The following CPED1 variants were observed in gnomAD, a reference collection of about 807,000 sequenced individuals.
The protein encoded by CPED1 is cadherin-like and PC-esterase domain-containing protein 1.
A neutral mutation model predicts 128.2 loss-of-function variants in CPED1; 114 were observed. The ratio of observed to expected loss-of-function variants is 0.89; its 90% confidence interval spans 0.76 to 1.04. The LOEUF is 1.04. CPED1 is among the 50% of genes least tolerant of loss of function. The pLI is 0.00. For missense variants in CPED1, 1,211 were observed against 1,207.1 expected (o/e 1.00, Z -0.05); for synonymous variants, 462 against 426.7 (o/e 1.08, Z -1.02).
intron 5 of CPED1, among the ~76,000 whole-genome samples, chr7:121,076,201 A>G (rs1794120978): frequency 6.6e-6 from 1 of 152,190 alleles, no homozygotes; most frequent in Admixed American, 6.6e-5. Flanking sequence ...TTCTCTATGT[A>G]TGCATTATGA....
At position 121,236,732 on chromosome 7, in the gene CPED1, C is replaced by A; in HGVS notation, c.2074C>A (p.His692Asn). The A allele has an allele frequency of 1.3e-6, 2 of 1,595,584 alleles. No homozygotes were observed. Among genetic ancestry groups the A allele is most frequent in the Middle Eastern group, 1.7e-4 (1 of 6,018 alleles). ...GFVQDCGLLI[H>N]PEETCGLQPI... ...AATGCAGGATTGTGGTTTGCTGATT[C>A]ATCCAGAGGAAACCTGTGGGTTACA... is the stretch of plus-strand genomic sequence containing the variant. The change falls in exon 17 of 23, where the codon CAT becomes AAT. Residue 692 changes from histidine to asparagine, a missense_variant. By Grantham distance (68) the His-to-Asn change is moderately conservative. Coordinates refer to ENST00000310396, the MANE Select transcript of CPED1 (RefSeq NM_024913.5).
chr7:121,074,012 A>C (rs1794059153), intron 5 of CPED1, among the ~76,000 whole-genome samples: 1 of 152,046 alleles, frequency 6.6e-6, no homozygotes, highest in South Asian at 2.1e-4. Context: ...GATTTTCATG[A>C]TGTTCTCTCT....
At chr7:121,148,849 T>C (rs1354246118) in intron 16 of CPED1, among the ~76,000 whole-genome samples, 1 of 152,196 alleles carries the variant, frequency 6.6e-6, no homozygotes, top group East Asian at 1.9e-4. Flanking sequence ...ATTACAGATA[T>C]AGACTGTCTT....
At chr7:121,016,546 C>T (rs2116816246) in intron 3 of CPED1, among the ~76,000 whole-genome samples, 1 of 152,274 alleles carries the variant, frequency 6.6e-6, no homozygotes, top group East Asian at 1.9e-4. Flanking sequence ...CAACCCCTAA[C>T]CCAGATTGCA....
chr7:121,253,904 A>T (rs949972215), intron 18 of CPED1, among the ~76,000 whole-genome samples: 2 of 152,106 alleles, frequency 1.3e-5, no homozygotes, highest in African/African-American at 4.8e-5. Context: ...ATATTGAAGC[A>T]CCTAGATTCA....
At chr7:120,991,635 G>A (rs575763193) in intron 2 of CPED1, among the ~76,000 whole-genome samples, 1 of 152,292 alleles carries the variant, frequency 6.6e-6, no homozygotes, top group South Asian at 2.1e-4. Context: ...TTAGGCATAT[G>A]TTAGCTGTTA....
intron 3 of CPED1, among the ~76,000 whole-genome samples, chr7:121,024,688 T>A (rs930019882): frequency 1.3e-5 from 2 of 152,184 alleles, no homozygotes; most frequent in Non-Finnish European, 2.9e-5. Flanking sequence ...TTTTTGTATG[T>A]CTTTAAAATG....
At chr7:121,130,031 C>CT in intron 11 of CPED1, 94 bp from the exon 12 acceptor site, 1 of 1,055,916 alleles carries the variant, frequency 9.5e-7, no homozygotes, top group Non-Finnish European at 1.4e-6. Context: ...AAATATCTGA[C>CT]TTTTTAAATA....
chr7:121,142,050 A>C lies in CPED1; in HGVS notation c.1964A>C (p.Glu655Ala). The C allele has an allele frequency of 6.2e-7, 1 of 1,612,866 alleles. No homozygotes were observed. ...GTGGATGAATCTCCAGCACACGGTG[A>C]GACTCTGATCACGTACAAACTCACC... ...FVVDESPAHG[E>A]TLITYKLTIY... Residue 655 changes from glutamate (E) to alanine (A), a missense_variant, in exon 16 of 23, where the codon GAG becomes GCG. Coordinates refer to ENST00000310396, the MANE Select transcript of CPED1 (RefSeq NM_024913.5).
At chr7:121,013,846 CA>C (rs1413597281) in intron 2 of CPED1, among the ~76,000 whole-genome samples, 1 of 152,208 alleles carries the variant, frequency 6.6e-6, no homozygotes, top group Non-Finnish European at 1.5e-5. Flanking sequence ...TTTCAACATG[CA>C]TCTTCAAAGA....
intron 5 of CPED1, among the ~76,000 whole-genome samples, chr7:121,094,337 TAAATC>T (rs1394886911): frequency 3.3e-5 from 5 of 152,220 alleles, no homozygotes; most frequent in Non-Finnish European, 7.3e-5. Flanking sequence ...GGCAAAACAT[TAAATC>T]AAATGCAATA....
intron 16 of CPED1, among the ~76,000 whole-genome samples, chr7:121,177,501 A>G (rs1366491620): frequency 6.6e-6 from 1 of 152,074 alleles, no homozygotes; most frequent in Non-Finnish European, 1.5e-5. Context: ...ATTCTCAATT[A>G]AAAAACACTT....
chr7:121,058,402 G>C (rs550918721), intron 4 of CPED1, among the ~76,000 whole-genome samples: 60 of 152,214 alleles, frequency 3.9e-4, no homozygotes, highest in African/African-American at 1.4e-3. Flanking sequence ...AATAGCAATG[G>C]GGTGGTGAGC....
At chr7:121,294,729 C>A (rs991144986) in intron 22 of CPED1, among the ~76,000 whole-genome samples, 2 of 151,064 alleles carry the variant, frequency 1.3e-5, no homozygotes, top group Admixed American at 6.6e-5. Context: ...ATCTTACAGA[C>A]CTTCCTGGGA....
At chr7:121,110,986 G>C (rs1042677656) in intron 7 of CPED1, among the ~76,000 whole-genome samples, 6 of 152,186 alleles carry the variant, frequency 3.9e-5, no homozygotes, top group African/African-American at 1.4e-4. Flanking sequence ...AGGCTAAAGA[G>C]AGAGGGTTCA....
chr7:121,130,259 C>G lies in CPED1; in HGVS notation c.1542C>G (p.Phe514Leu). 6.2e-7 allele frequency: 1 copy of G among 1,607,350 alleles called. No individual in the cohort carries two copies. The highest frequency in any genetic ancestry group is 8.5e-7 in the Non-Finnish European group (1 of 1,177,406). Reference protein sequence around the residue: ...SLLNVFEQFQFMNKKTQPHPL... With the variant: ...SLLNVFEQFQLMNKKTQPHPL... ...TAAATGTATTTGAACAATTTCAGTTCATGAATAAAAAGACACAGCCACATC... is the reference window on the plus strand; with the variant it reads ...TAAATGTATTTGAACAATTTCAGTTGATGAATAAAAAGACACAGCCACATC... The change falls in exon 12 of 23, where the codon TTC becomes TTG. Residue 514 changes from phenylalanine to leucine, a missense_variant. Coordinates refer to ENST00000310396, the MANE Select transcript of CPED1 (RefSeq NM_024913.5).
intron 16 of CPED1, among the ~76,000 whole-genome samples, chr7:121,190,424 T>C (rs1797109824): frequency 6.6e-6 from 1 of 151,504 alleles, no homozygotes. Context: ...CTAGATTTTA[T>C]TGGACAGGGG....
chr7:121,066,163 A>G (rs1793826623), intron 5 of CPED1, among the ~76,000 whole-genome samples: 1 of 152,140 alleles, frequency 6.6e-6, no homozygotes, highest in African/African-American at 2.4e-5. Flanking sequence ...GTAAAACTAA[A>G]CATAATACTA....
chr7:121,221,294 A>G (rs1797871416), intron 16 of CPED1, among the ~76,000 whole-genome samples: 1 of 152,046 alleles, frequency 6.6e-6, no homozygotes, highest in Non-Finnish European at 1.5e-5. Flanking sequence ...GACATGAACT[A>G]AACCTTTTTA....
Sources: allele counts gnomAD v4.1 joint callset (sites outside exome capture counted in the v4.1 genomes callset), GRCh38; gene constraint gnomAD v4.1.1; transcripts MANE v1.5; gene names NCBI Gene and HGNC (gene_info 2026-07-23, HGNC 2026-07-21).